SKIC2: variants seen among roughly 807,000 people sequenced by gnomAD.
The protein encoded by SKIC2 is superkiller complex protein 2.
chr6:31,961,086 C>T, the SKIC2 span: 1 of 1,613,234 alleles, frequency 6.2e-7, no homozygotes, highest in Non-Finnish European at 8.5e-7. Flanking sequence ...ATGGACTTTG[C>T]ACCAAAAGGT....
chr6:31,965,758 T>G, the SKIC2 span: 1 of 1,451,646 alleles, frequency 6.9e-7, no homozygotes, highest in Admixed American at 1.7e-5. This position sits in a 1 kb window ranked among gnomAD's most constrained non-coding sequence, Gnocchi z 5.6. Context: ...CCTTTGCTGA[T>G]CCTTTCTGTT....
chr6:31,967,896 C>A, the SKIC2 span: 1 of 1,612,686 alleles, frequency 6.2e-7, no homozygotes, highest in Non-Finnish European at 8.5e-7. The surrounding 1 kb of genome is among the most constrained non-coding windows in gnomAD (Gnocchi z 4.9). Context: ...TTTCTGCCAG[C>A]AGTATAAGCA....
the SKIC2 span, chr6:31,964,250 C>G: frequency 6.2e-7 from 1 of 1,612,956 alleles, no homozygotes; most frequent in Non-Finnish European, 8.5e-7. The surrounding 1 kb of genome is among the most constrained non-coding windows in gnomAD (Gnocchi z 5.0). Context: ...CATGTCAGAG[C>G]TCCTGAATCG....
At chr6:31,961,968 CTCTG>C in the SKIC2 span, 4 of 1,612,994 alleles carry the variant, frequency 2.5e-6, no homozygotes, top group South Asian at 3.3e-5. Context: ...AACGGCATGA[CTCTG>C]TCTTTGTCGC....
At chr6:31,965,886 T>C in the SKIC2 span, 1 of 1,612,916 alleles carries the variant, frequency 6.2e-7, no homozygotes, top group African/African-American at 1.3e-5. The surrounding 1 kb of genome is among the most constrained non-coding windows in gnomAD (Gnocchi z 5.6). Flanking sequence ...TTCCGGGACC[T>C]GCTCCCTGGG....
the SKIC2 span, chr6:31,963,896 T>C: frequency 6.2e-7 from 1 of 1,601,624 alleles, no homozygotes; most frequent in Non-Finnish European, 8.5e-7. The surrounding 1 kb of genome is among the most constrained non-coding windows in gnomAD (Gnocchi z 5.3). Context: ...TCCTTCCCCT[T>C]CCCCTTCCTT....
the SKIC2 span, among the ~76,000 whole-genome samples, chr6:31,964,842 G>A: frequency 2.6e-5 from 4 of 152,156 alleles, no homozygotes; most frequent in South Asian, 2.1e-4. This position sits in a 1 kb window ranked among gnomAD's most constrained non-coding sequence, Gnocchi z 5.0. Flanking sequence ...TATATTGGCC[G>A]GGCATGGTGG....
At chr6:31,962,323 G>GA in the SKIC2 span, 1 of 1,214,320 alleles carries the variant, frequency 8.2e-7, no homozygotes, top group South Asian at 1.2e-5. The surrounding 1 kb of genome is among the most constrained non-coding windows in gnomAD (Gnocchi z 5.0). Context: ...CAGTTTGGGT[G>GA]AAGAAGAGGA....
At chr6:31,963,075 T>A in the SKIC2 span, 1 of 1,611,934 alleles carries the variant, frequency 6.2e-7, no homozygotes, top group African/African-American at 1.3e-5. This position sits in a 1 kb window ranked among gnomAD's most constrained non-coding sequence, Gnocchi z 5.3. Context: ...CGCCCTTGAG[T>A]TTGCTGACTG....
chr6:31,962,927 T>A, the SKIC2 span: 7 of 1,427,496 alleles, frequency 4.9e-6, no homozygotes, highest in Non-Finnish European at 5.9e-6. The surrounding 1 kb of genome is among the most constrained non-coding windows in gnomAD (Gnocchi z 5.0). Flanking sequence ...TGTGCCTCTT[T>A]ATGGGCAGAA....
At chr6:31,968,222 G>A in the SKIC2 span, 2 of 1,445,232 alleles carry the variant, frequency 1.4e-6, no homozygotes, top group African/African-American at 2.8e-5. The surrounding 1 kb of genome is among the most constrained non-coding windows in gnomAD (Gnocchi z 6.1). Context: ...CAGCCTAAGG[G>A]AGACTGTGAA....
the SKIC2 span, chr6:31,960,070 C>T: frequency 6.2e-7 from 1 of 1,612,994 alleles, no homozygotes; most frequent in Admixed American, 1.7e-5. Flanking sequence ...ACAGTTGTTT[C>T]TGTCATCCCC....
chr6:31,964,020 C>T, the SKIC2 span: 1 of 1,612,622 alleles, frequency 6.2e-7, no homozygotes, highest in Admixed American at 1.7e-5. The surrounding 1 kb of genome is among the most constrained non-coding windows in gnomAD (Gnocchi z 5.0). Context: ...AGGCCTCAGG[C>T]CTCACCTCCC....
chr6:31,963,074 G>A, the SKIC2 span: 4 of 1,612,068 alleles, frequency 2.5e-6, no homozygotes, highest in Admixed American at 1.7e-5. This position sits in a 1 kb window ranked among gnomAD's most constrained non-coding sequence, Gnocchi z 5.3. Context: ...ACGCCCTTGA[G>A]TTTGCTGACT....
chr6:31,962,860 C>T, the SKIC2 span: 55 of 1,371,424 alleles, frequency 4.0e-5, no homozygotes, highest in Non-Finnish European at 5.2e-5. The surrounding 1 kb of genome is among the most constrained non-coding windows in gnomAD (Gnocchi z 5.0). Flanking sequence ...TTGAGCGTCT[C>T]CCTTATTCCA....
chr6:31,962,908 A>G, the SKIC2 span: 2 of 1,337,956 alleles, frequency 1.5e-6, no homozygotes, highest in African/African-American at 1.4e-5. The surrounding 1 kb of genome is among the most constrained non-coding windows in gnomAD (Gnocchi z 5.0). Context: ...TTACCCCCAT[A>G]TGGAATCCTG....
At chr6:31,961,797 C>A in the SKIC2 span, 1 of 1,548,404 alleles carries the variant, frequency 6.5e-7, no homozygotes, top group Non-Finnish European at 8.8e-7. Flanking sequence ...GGTACTCAGT[C>A]CCAGCCTCGG....
the SKIC2 span, chr6:31,963,983 CCTT>C: frequency 1.2e-6 from 2 of 1,612,594 alleles, no homozygotes; most frequent in Non-Finnish European, 1.7e-6. The surrounding 1 kb of genome is among the most constrained non-coding windows in gnomAD (Gnocchi z 5.3). Context: ...GTGGTGTTCA[CCTT>C]CTCCCGGGGC....
the SKIC2 span, chr6:31,963,005 G>A: frequency 3.3e-5 from 54 of 1,612,248 alleles, no homozygotes; most frequent in Non-Finnish European, 4.5e-5. The surrounding 1 kb of genome is among the most constrained non-coding windows in gnomAD (Gnocchi z 5.3). Flanking sequence ...TGTGGGAGGA[G>A]GTGCTTATCA....
Sources: allele counts gnomAD v4.1 joint callset (sites outside exome capture counted in the v4.1 genomes callset), GRCh38; gene constraint gnomAD v4.1.1; non-coding constraint Gnocchi (gnomAD v3.1); transcripts MANE v1.5; gene names NCBI Gene and HGNC (gene_info 2026-07-23, HGNC 2026-07-21).